LRP1B: variants seen among roughly 807,000 people sequenced by gnomAD.
The protein encoded by LRP1B is low-density lipoprotein receptor-related protein 1B.
LRP1B carries 217 observed loss-of-function variants against 556.6 expected under a neutral mutation model. The ratio of observed to expected loss-of-function variants is 0.39; its 90% CI spans 0.35 to 0.44. LRP1B has a LOEUF of 0.44. LRP1B is among the 20% of genes least tolerant of loss of function. The pLI is 1.00. For missense variants in LRP1B, 5,053 were observed against 5,620.8 expected (o/e 0.90, Z 3.23); for synonymous variants, 2,047 against 1,865.8 (o/e 1.10, Z -2.50).
intron 41 of LRP1B, among the ~76,000 whole-genome samples, chr2:140,690,386 C>CTT (rs5834764): frequency 1.4e-4 from 21 of 150,140 alleles, no homozygotes; most frequent in East Asian, 3.9e-4. Flanking sequence ...CAGGTCTTTA[C>CTT]TTTTTTTTTT....
intron 23 of LRP1B, among the ~76,000 whole-genome samples, chr2:140,901,343 C>T (rs1694098850): frequency 1.3e-5 from 2 of 152,168 alleles, no homozygotes; most frequent in South Asian, 4.1e-4. Flanking sequence ...GCTGTGCTGC[C>T]TGTTGCAACC....
At chr2:140,948,834 C>T (rs1165750674) in intron 20 of LRP1B, among the ~76,000 whole-genome samples, 1 of 152,164 alleles carries the variant, frequency 6.6e-6, no homozygotes, top group African/African-American at 2.4e-5. Flanking sequence ...ATTAAAAAAT[C>T]ACACAATATG....
chr2:141,564,037 A>T (rs1312761064), intron 2 of LRP1B, among the ~76,000 whole-genome samples: 3 of 152,156 alleles, frequency 2.0e-5, no homozygotes. Context: ...ATTATTTTAC[A>T]AAAAGGAAAA....
intron 1 of LRP1B, among the ~76,000 whole-genome samples, chr2:141,927,666 T>C (rs1374990653): frequency 1.3e-5 from 2 of 151,978 alleles, no homozygotes; most frequent in African/African-American, 4.8e-5. Flanking sequence ...TAGTTTTCAG[T>C]TGTTGCAGCT....
intron 2 of LRP1B, among the ~76,000 whole-genome samples, chr2:141,769,279 G>A (rs1694824235): frequency 6.6e-6 from 1 of 152,158 alleles, no homozygotes; most frequent in Admixed American, 6.6e-5. Flanking sequence ...CTGCTCCACT[G>A]TGCAAACAAT....
chr2:140,360,415 G>A (rs542492751), intron 72 of LRP1B, among the ~76,000 whole-genome samples: 1 of 151,582 alleles, frequency 6.6e-6, no homozygotes, highest in East Asian at 2.0e-4. Context: ...CCTCACGTTT[G>A]AAAACATCCT....
chr2:140,961,893 A>T (rs778170218), intron 18 of LRP1B, among the ~76,000 whole-genome samples: 13 of 152,190 alleles, frequency 8.5e-5, no homozygotes, highest in Non-Finnish European at 1.6e-4. Context: ...ATGCAAGTAG[A>T]GGTAATAACC....
intron 71 of LRP1B, among the ~76,000 whole-genome samples, chr2:140,365,182 TAGACA>T (rs954582785): frequency 4.6e-5 from 7 of 151,598 alleles, no homozygotes; most frequent in African/African-American, 1.4e-4. Flanking sequence ...TTAGAATTAT[TAGACA>T]ATTTAGCTGT....
chr2:141,175,884 T>C (rs1260563781), intron 7 of LRP1B, among the ~76,000 whole-genome samples: 4 of 152,122 alleles, frequency 2.6e-5, no homozygotes, highest in Non-Finnish European at 5.9e-5. Flanking sequence ...CCCAAGGCTG[T>C]AGGAGCCCAC....
intron 20 of LRP1B, among the ~76,000 whole-genome samples, chr2:140,923,628 C>A (rs1331411079): frequency 6.6e-6 from 1 of 151,824 alleles, no homozygotes. Flanking sequence ...TACTTTCTAA[C>A]AAAATCTTTG....
In LRP1B at chr2:140,803,292, C is replaced by T. The variant is rs1350297154; in HGVS notation, c.5359+10365G>A. 6.6e-3 allele frequency among the ~76,000 whole-genome samples: 386 copies of T among 58,060 alleles called. 6 individuals are homozygous for T. The highest frequency in any genetic ancestry group is 0.026 in the African/African-American group (354 of 13,504). 38.1% of individuals were successfully genotyped at this position (58,060 alleles called of 152,430 possible). A position where few individuals can be genotyped will look rare whatever the true frequency, so the allele number is the denominator to read the frequency against. On this transcript the variant is annotated intron_variant, in intron 32 of 90. Transcript: ENST00000389484. ...TTTTTTTTTTTTTTTTTTTTTTTTC[C>T]GAGATGGAGTCTCCCTCTGTCTCCC... is the stretch of plus-strand genomic sequence containing the variant.
chr2:141,052,453 C>T (rs1699063641), intron 10 of LRP1B, among the ~76,000 whole-genome samples: 1 of 151,964 alleles, frequency 6.6e-6, no homozygotes, highest in Non-Finnish European at 1.5e-5. Context: ...ATATTTCCTA[C>T]TAGAGAAGCA....
chr2:140,544,091 A>G (rs1273282135), intron 43 of LRP1B, among the ~76,000 whole-genome samples: 1 of 152,074 alleles, frequency 6.6e-6, no homozygotes, highest in African/African-American at 2.4e-5. Flanking sequence ...CTTTAAGTGC[A>G]CAATTCAGTG....
At chr2:141,223,441 A>C (rs913554469) in intron 6 of LRP1B, among the ~76,000 whole-genome samples, 1 of 152,236 alleles carries the variant, frequency 6.6e-6, no homozygotes, top group African/African-American at 2.4e-5. Flanking sequence ...CAATATTATG[A>C]AAATGGCCAT....
At chr2:140,989,948 G>C (rs560540482) in intron 16 of LRP1B, among the ~76,000 whole-genome samples, 1 of 152,106 alleles carries the variant, frequency 6.6e-6, no homozygotes, top group Non-Finnish European at 1.5e-5. Flanking sequence ...GCTCACGCCT[G>C]TAATCCCAGC....
At chr2:141,168,373 G>C (rs1247525621) in intron 7 of LRP1B, among the ~76,000 whole-genome samples, 1 of 152,046 alleles carries the variant, frequency 6.6e-6, no homozygotes, top group Non-Finnish European at 1.5e-5. Flanking sequence ...GGGAGAAAAT[G>C]AGTCTGTTAC....
At chr2:141,151,399 T>A (rs949645344) in intron 7 of LRP1B, among the ~76,000 whole-genome samples, 1 of 152,160 alleles carries the variant, frequency 6.6e-6, no homozygotes, top group Non-Finnish European at 1.5e-5. Context: ...GACTTCCTAA[T>A]GAACATAGGA....
At chr2:141,587,345 C>T (rs994867642) in intron 2 of LRP1B, among the ~76,000 whole-genome samples, 55 of 152,124 alleles carry the variant, frequency 3.6e-4, no homozygotes, top group Non-Finnish European at 2.6e-4. Flanking sequence ...AAAGCACTTG[C>T]TTTGGGAGCT....
chr2:140,278,188 CAAG>C (rs538174709), intron 84 of LRP1B, among the ~76,000 whole-genome samples: 101 of 151,836 alleles, frequency 6.7e-4, no homozygotes, highest in African/African-American at 2.2e-3. Flanking sequence ...TTTTAGAAGT[CAAG>C]AAGGATTTAT....
Sources: allele counts gnomAD v4.1 joint callset (sites outside exome capture counted in the v4.1 genomes callset), GRCh38; gene constraint gnomAD v4.1.1; transcripts MANE v1.5; gene names NCBI Gene and HGNC (gene_info 2026-07-23, HGNC 2026-07-21).